The following FLNB variants were observed in gnomAD, a reference collection of about 807,000 sequenced individuals.
FLNB encodes the protein filamin B, also known as filamin-B.
A neutral mutation model predicts 250.6 loss-of-function variants in FLNB; 111 were observed. The observed-to-expected ratio is 0.44, with a 90% CI of 0.38 to 0.52. The LOEUF (loss-of-function observed/expected upper bound fraction) is 0.52, where lower values mean the gene tolerates loss of function less well. Among genes scored for constraint, FLNB ranks in the 20% least tolerant of loss-of-function variants. The pLI, the probability that FLNB is intolerant of heterozygous loss-of-function variation, is 0.00. For missense variants in FLNB, 2,869 were observed against 3,447.8 expected (o/e 0.83, Z 4.20); for synonymous variants, 1,302 against 1,372.1 (o/e 0.95, Z 1.13).
chr3:58,128,623 T>TAG (rs2097301637), intron 24 of FLNB, among the ~76,000 whole-genome samples: 1 of 151,976 alleles, frequency 6.6e-6, no homozygotes, highest in South Asian at 2.1e-4. Context: ...AGGAAACGGG[T>TAG]AGAAGGCTGC....
intron 8 of FLNB, among the ~76,000 whole-genome samples, chr3:58,099,226 G>A (rs529511275): frequency 6.6e-6 from 1 of 152,298 alleles, no homozygotes; most frequent in African/African-American, 2.4e-5. Flanking sequence ...TAGCATAACT[G>A]AAGTTAGCAG....
At chr3:58,129,867 C>T (rs1014728452) in intron 24 of FLNB, among the ~76,000 whole-genome samples, 1 of 152,228 alleles carries the variant, frequency 6.6e-6, no homozygotes, top group Non-Finnish European at 1.5e-5. Flanking sequence ...AGGTCCCCCT[C>T]CACAGTGGAG....
intron 1 of FLNB, among the ~76,000 whole-genome samples, chr3:58,070,579 C>A (rs781481465): frequency 6.6e-6 from 1 of 151,970 alleles, no homozygotes; most frequent in Non-Finnish European, 1.5e-5. Context: ...CATCCTGTTC[C>A]CCAGATGGCC....
At chr3:58,042,282 T>C (rs1343193457) in intron 1 of FLNB, among the ~76,000 whole-genome samples, 1 of 152,094 alleles carries the variant, frequency 6.6e-6, no homozygotes, top group East Asian at 1.9e-4. Flanking sequence ...CTCTGTTTGA[T>C]TAGAGGATCT....
intron 9 of FLNB, among the ~76,000 whole-genome samples, chr3:58,102,753 C>T (rs910211042): frequency 6.6e-6 from 1 of 152,236 alleles, no homozygotes. Flanking sequence ...TTTCCCACTA[C>T]AGGTTACATT....
chr3:58,096,192 C>T lies in FLNB; in HGVS notation c.958C>T (p.Leu320=), dbSNP rs2097238256. 5.6e-6 allele frequency: 9 copies of T among 1,613,962 alleles called. No homozygotes were observed. The highest frequency in any genetic ancestry group is 7.6e-6 in the Non-Finnish European group (9 of 1,179,848). ...GAACAAGACATACTCTGTGGAGTAT[C>T]TGCCCAAGGTCACCGGGCTACACAA... ...DKNKTYSVEY[L]PKVTGLHKVT... Residue 320 remains leucine (L), a synonymous_variant, in exon 6 of 46, where the codon CTG becomes TTG. Transcript: ENST00000295956.
At position 58,155,551 on chromosome 3, in the gene FLNB, CTG is replaced by C. The variant is rs201433216; in HGVS notation, c.6773-407_6773-406del. ...AAGTGAAAATGATACGTCAAAATAA[CTG>C]TAAAATGACATAAAAATATATGATT... On this transcript the variant is annotated intron_variant, in intron 40 of 45. Coordinates refer to ENST00000295956, the MANE Select transcript of FLNB (RefSeq NM_001457.4). 3.6e-3 allele frequency among the ~76,000 whole-genome samples: 542 copies of C among 150,948 alleles called. 5 individuals are homozygous for C. Among genetic ancestry groups the C allele is most frequent in the Middle Eastern group, 0.014 (4 of 294 alleles).
chr3:58,102,999 C>T (rs2097253540), intron 9 of FLNB, among the ~76,000 whole-genome samples: 1 of 152,154 alleles, frequency 6.6e-6, no homozygotes, highest in South Asian at 2.1e-4. Context: ...CTTCTAGTCT[C>T]GGGTGTAGCA....
chr3:58,073,050 G>A (rs1037278120), intron 1 of FLNB, among the ~76,000 whole-genome samples: 6 of 152,130 alleles, frequency 3.9e-5, no homozygotes, highest in African/African-American at 1.4e-4. Flanking sequence ...AATGCCTGTG[G>A]CCGGATGAGA....
intron 1 of FLNB, among the ~76,000 whole-genome samples, chr3:58,075,173 T>C (rs1207829687): frequency 6.6e-6 from 1 of 152,058 alleles, no homozygotes; most frequent in Non-Finnish European, 1.5e-5. Context: ...TTAAGTGTAA[T>C]TTGGCATGTG....
At chr3:58,165,939 A>C (rs1395556396) in intron 43 of FLNB, 1 of 152,172 alleles carries the variant, frequency 6.6e-6, no homozygotes, top group African/African-American at 2.4e-5. Flanking sequence ...TACAGGTTAT[A>C]GCTAGAGGCA....
rs1211837552 is a variant in FLNB at position 58,159,641 on chromosome 3, C to T, written c.6976C>T (p.Pro2326Ser). 4 of 1,613,860 alleles carry T rather than the reference C, an allele frequency of 2.5e-6. No homozygotes were observed. The highest frequency in any genetic ancestry group is 1.1e-5 in the South Asian group (1 of 91,076). The change falls in exon 42 of 46, where the codon CCC becomes TCC. Residue 2326 changes from proline (P) to serine (S), a missense_variant. Coordinates refer to ENST00000295956, the MANE Select transcript of FLNB (RefSeq NM_001457.4). ...KGKIDAKVHS[P>S]SGAVEECHVS... ...CAAGATTGATGCAAAGGTGCACAGC[C>T]CCTCTGGAGCCGTGGAGGAGTGCCA...
At chr3:58,032,561 T>C (rs985558382) in intron 1 of FLNB, among the ~76,000 whole-genome samples, 1 of 152,154 alleles carries the variant, frequency 6.6e-6, no homozygotes, top group African/African-American at 2.4e-5. Flanking sequence ...CTGAATCAGT[T>C]GCATTGTCTC....
Position 58,008,598 on chromosome 3 carries a change from G to T in FLNB, c.34G>T (p.Ala12Ser). The T allele has an allele frequency of 1.2e-6, 2 of 1,609,790 alleles. No homozygotes were observed. Among genetic ancestry groups the T allele is most frequent in the Admixed American group, 1.7e-5 (1 of 59,222 alleles). ...AACCGAGAAGGATCTAGCTGAGGAC[G>T]CGCCTTGGAAGAAGATCCAGCAGAA... is the stretch of plus-strand genomic sequence containing the variant. ...PVTEKDLAED[A>S]PWKKIQQNTF... The change falls in exon 1 of 46, where the codon GCG (alanine) becomes TCG (serine). Residue 12 changes from alanine (A) to serine (S), a missense_variant. Ala to Ser is a moderately conservative substitution (Grantham distance 99, BLOSUM62 1). Coordinates refer to ENST00000295956, the MANE Select transcript of FLNB (RefSeq NM_001457.4).
rs996701859 is a variant in FLNB, at chr3:58,169,073, C to A, written c.7417+415C>A. The A allele has an allele frequency of 5.3e-5, 16 of 302,860 alleles. No homozygotes were observed. The highest frequency in any genetic ancestry group is 4.3e-4 in the South Asian group (13 of 30,306). 18.8% of individuals were successfully genotyped at this position (302,860 alleles called of 1,614,324 possible). A position where few individuals can be genotyped will look rare whatever the true frequency, so the allele number is the denominator to read the frequency against. On this transcript the variant is annotated intron_variant, in intron 44 of 45. Coordinates refer to ENST00000295956, the MANE Select transcript of FLNB (RefSeq NM_001457.4). The surrounding 1 kb of genome is among the most constrained non-coding windows in gnomAD (Gnocchi z 4.8). The stretch of plus-strand genomic sequence containing the variant: ...ACTATGAAAACCACTTCACAGCCAC[C>A]ACCCAAGGTAACCACCATAAACACT...
intron 1 of FLNB, among the ~76,000 whole-genome samples, chr3:58,039,808 CT>C (rs1173427958): frequency 6.6e-6 from 1 of 152,138 alleles, no homozygotes; most frequent in Non-Finnish European, 1.5e-5. Context: ...CTAGTGTATG[CT>C]CCCAGCAAAG....
chr3:58,013,353 C>T (rs1009626118), intron 1 of FLNB, among the ~76,000 whole-genome samples: 1 of 152,188 alleles, frequency 6.6e-6, no homozygotes, highest in Non-Finnish European at 1.5e-5. Context: ...CCCAAGACTT[C>T]GGGTCACTAG....
At chr3:58,147,893 C>G (rs780985921) in intron 34 of FLNB, among the ~76,000 whole-genome samples, 39 of 152,324 alleles carry the variant, frequency 2.6e-4, no homozygotes, top group South Asian at 4.1e-4. Flanking sequence ...CTCCTGACCT[C>G]AAGTGATTCG....
chr3:58,022,270 C>T (rs1412744753), intron 1 of FLNB, among the ~76,000 whole-genome samples: 2 of 152,198 alleles, frequency 1.3e-5, no homozygotes, highest in Non-Finnish European at 1.5e-5. Flanking sequence ...AAGACTGGTA[C>T]ATTGACTTAT....
Sources: gnomAD v4.1 joint callset for allele counts (sites outside exome capture counted in the v4.1 genomes callset) on GRCh38, gnomAD v4.1.1 for gene constraint, Gnocchi (gnomAD v3.1) non-coding constraint, MANE v1.5 for transcripts, NCBI Gene and HGNC (gene_info 2026-07-23, HGNC 2026-07-21) for gene names.